The following INPP4B variants were observed in gnomAD, a reference collection of about 807,000 sequenced individuals.
INPP4B encodes the protein inositol polyphosphate-4-phosphatase type II B.
A neutral mutation model predicts 122.5 loss-of-function variants in INPP4B; 55 were observed. The observed-to-expected ratio is 0.45, with a 90% CI of 0.36 to 0.56. The LOEUF (loss-of-function observed/expected upper bound fraction) is 0.56, where lower values mean the gene tolerates loss of function less well. Ranked by LOEUF, INPP4B falls within the 20% of genes least tolerant of loss-of-function variation. INPP4B has a pLI of 0.00. For missense variants in INPP4B, 1,000 were observed against 1,097.7 expected (o/e 0.91, Z 1.26); for synonymous variants, 403 against 388.7 (o/e 1.04, Z -0.43).
chr4:142,159,710 C>T (rs546918964), intron 17 of INPP4B, among the ~76,000 whole-genome samples: 18 of 152,000 alleles, frequency 1.2e-4, no homozygotes, highest in African/African-American at 4.1e-4. Flanking sequence ...ACACCCTGTT[C>T]CTCTGCCATG....
rs565802945 is a variant in INPP4B at position 142,662,196 on chromosome 4, T to C, written c.-191+63643A>G. On this transcript the variant is annotated intron_variant, in intron 2 of 25. Transcript: ENST00000262992. ...CTTGTAGTGAGCCAAGACAGCGCCA[T>C]TGCACTCCAGCCTGGGCAACAGAGT... 1.3e-4 allele frequency among the ~76,000 whole-genome samples: 20 copies of C among 151,358 alleles called. No individual in the cohort carries two copies. In the East Asian group the frequency reaches 3.1e-3, roughly 24 times the overall value.
rs754400102 is a variant in INPP4B, at chr4:142,403,001, G to A, written c.309C>T (p.Pro103=). 1 of 1,611,270 alleles carries A rather than the reference G, an allele frequency of 6.2e-7. No individual in the cohort carries two copies. Among genetic ancestry groups the A allele is most frequent in the Non-Finnish European group, 8.5e-7 (1 of 1,177,436 alleles). The change falls in exon 7 of 26, where the codon CCC becomes CCT. Residue 103 remains proline (P), a synonymous_variant. Transcript: ENST00000262992. Reference sequence around the variant, plus strand: ...GTTTTATTTTGGTCTCCTCATAGATGGGATACTCAGATGGGAATGTGACAC... The same window carrying A: ...GTTTTATTTTGGTCTCCTCATAGATAGGATACTCAGATGGGAATGTGACAC... ...LTGVTFPSEY[P]IYEETKIKLT...
intron 7 of INPP4B, among the ~76,000 whole-genome samples, chr4:142,389,289 T>C (rs1360426659): frequency 6.7e-6 from 1 of 148,918 alleles, no homozygotes; most frequent in East Asian, 2.0e-4. Flanking sequence ...AACTGGTAAA[T>C]GAAAAATCTT....
chr4:142,516,609 G>A (rs1825442917), intron 2 of INPP4B, among the ~76,000 whole-genome samples: 1 of 152,152 alleles, frequency 6.6e-6, no homozygotes, highest in African/African-American at 2.4e-5. Flanking sequence ...AAGACATTTA[G>A]ATATTAATCC....
chr4:142,547,878 A>G (rs1353221607), intron 2 of INPP4B, among the ~76,000 whole-genome samples: 1 of 152,196 alleles, frequency 6.6e-6, no homozygotes, highest in Non-Finnish European at 1.5e-5. Flanking sequence ...ATGGGAATTC[A>G]TAAGAAATCA....
chr4:142,548,657 T>A (rs1426868462), intron 2 of INPP4B, among the ~76,000 whole-genome samples: 5 of 152,048 alleles, frequency 3.3e-5, no homozygotes, highest in Non-Finnish European at 7.4e-5. Context: ...CTCTACAGAA[T>A]CCTTGAAATG....
chr4:142,734,677 C>T (rs908792240), intron 1 of INPP4B, among the ~76,000 whole-genome samples: 1 of 152,030 alleles, frequency 6.6e-6, no homozygotes, highest in Non-Finnish European at 1.5e-5. Context: ...TGGAGTTTCA[C>T]CCTTGTTGCC....
chr4:142,677,567 C>T (rs1441084284), intron 2 of INPP4B, among the ~76,000 whole-genome samples: 2 of 151,948 alleles, frequency 1.3e-5, no homozygotes, highest in Non-Finnish European at 2.9e-5. Flanking sequence ...GCACTGTTCA[C>T]AATAGCAAAG....
intron 2 of INPP4B, among the ~76,000 whole-genome samples, chr4:142,623,798 T>A (rs886299040): frequency 6.8e-6 from 1 of 146,864 alleles, no homozygotes; most frequent in African/African-American, 2.5e-5. Context: ...AATTCCCACC[T>A]ATGAGTGAGA....
At chr4:142,447,504 A>C (rs948512005) in intron 3 of INPP4B, among the ~76,000 whole-genome samples, 1 of 152,232 alleles carries the variant, frequency 6.6e-6, no homozygotes, top group African/African-American at 2.4e-5. Context: ...GTACAGGCAC[A>C]AAGTAAATAA....
chr4:142,082,889 G>A (rs776204173), intron 24 of INPP4B, among the ~76,000 whole-genome samples: 37 of 152,180 alleles, frequency 2.4e-4, no homozygotes, highest in Admixed American at 2.6e-4. Flanking sequence ...CACTTTGGGA[G>A]GCCAAGGCAG....
chr4:142,660,054 C>T (rs765709975), intron 2 of INPP4B, among the ~76,000 whole-genome samples: 30 of 152,176 alleles, frequency 2.0e-4, no homozygotes, highest in Admixed American at 7.2e-4. Context: ...CCCCAAGCTT[C>T]CTGTTTCATG....
chr4:142,383,867 G>A (rs543074034), intron 7 of INPP4B: 30 of 490,592 alleles, frequency 6.1e-5, no homozygotes, highest in East Asian at 6.2e-5. Flanking sequence ...AATAATATCC[G>A]GGTGGCGGGA....
chr4:142,333,014 A>C (rs555257469), intron 7 of INPP4B, among the ~76,000 whole-genome samples: 11,344 of 146,636 alleles, frequency 0.077, 443 homozygotes, highest in Non-Finnish European at 0.1. Flanking sequence ...CCGTCTCAAA[A>C]AAAAAAAAAA....
At chr4:142,102,672 C>T (rs540038763) in intron 23 of INPP4B, among the ~76,000 whole-genome samples, 1 of 152,094 alleles carries the variant, frequency 6.6e-6, no homozygotes, top group African/African-American at 2.4e-5. Flanking sequence ...CCAGGTATGG[C>T]AGATATTTCT....
At chr4:142,341,335 C>G (rs941620494) in intron 7 of INPP4B, among the ~76,000 whole-genome samples, 1 of 151,968 alleles carries the variant, frequency 6.6e-6, no homozygotes, top group African/African-American at 2.4e-5. Flanking sequence ...TTAAGTTATA[C>G]TTAAAAAAAC....
intron 15 of INPP4B, among the ~76,000 whole-genome samples, chr4:142,188,486 C>CAAAA (rs869298815): frequency 1.1e-4 from 1 of 9,492 alleles, no homozygotes; most frequent in African/African-American, 3.8e-4. Flanking sequence ...GACTCCATCT[C>CAAAA]AAAAAAAAAA....
chr4:142,345,434 T>C (rs2151745160), intron 7 of INPP4B, among the ~76,000 whole-genome samples: 1 of 151,996 alleles, frequency 6.6e-6, no homozygotes, highest in Admixed American at 6.6e-5. Flanking sequence ...ACAACAAAAT[T>C]AAAGAAATGT....
At chr4:142,208,241 A>T (rs531284416) in intron 14 of INPP4B, among the ~76,000 whole-genome samples, 184 bp downstream of exon 14, 11 of 152,290 alleles carry the variant, frequency 7.2e-5, no homozygotes, top group African/African-American at 2.2e-4. Context: ...AGTATTTCTC[A>T]AAAATACAGC....
Sources: allele counts gnomAD v4.1 joint callset (sites outside exome capture counted in the v4.1 genomes callset), GRCh38; gene constraint gnomAD v4.1.1; transcripts MANE v1.5; gene names NCBI Gene and HGNC (gene_info 2026-07-23, HGNC 2026-07-21).